The following PUM1 variants were observed in gnomAD, a reference collection of about 807,000 sequenced individuals.
The protein encoded by PUM1 is pumilio RNA binding family member 1, also known as pumilio homolog 1.
A neutral mutation model predicts 131.8 loss-of-function variants in PUM1; 13 were observed. The ratio of observed to expected loss-of-function variants is 0.10; its 90% CI spans 0.06 to 0.16. The LOEUF (loss-of-function observed/expected upper bound fraction) is 0.16, where lower values mean the gene tolerates loss of function less well. Ranked by LOEUF, PUM1 falls within the 10% of genes least tolerant of loss-of-function variation. The pLI is 1.00. For synonymous variants in PUM1, 509 were observed against 556.5 expected, an observed-to-expected ratio of 0.91 and a Z score of 1.20; for missense variants, 961 against 1,512.4, an observed-to-expected ratio of 0.64 and a Z score of 6.05.
intron 2 of PUM1, among the ~76,000 whole-genome samples, chr1:31,035,706 G>C (rs1643587754): frequency 6.6e-6 from 1 of 151,904 alleles, no homozygotes; most frequent in Non-Finnish European, 1.5e-5. Flanking sequence ...AACCGAGATA[G>C]CGCCACTGCA....
In PUM1 at chr1:30,931,910, C is replaced by T. The variant is rs1469615790; in HGVS notation, c.*1301G>A. ...TGACTGTCACAAAATCAAAACATTACTTTTTTAGGATTAAAAAAACACTAG... is the reference window on the plus strand; with the variant it reads ...TGACTGTCACAAAATCAAAACATTATTTTTTTAGGATTAAAAAAACACTAG... On this transcript the variant is annotated 3_prime_UTR_variant, in exon 22 of 22. Transcript: ENST00000426105. 6.6e-6 allele frequency: 1 copy of T among 152,478 alleles called. No individual in the cohort carries two copies. Among genetic ancestry groups the T allele is most frequent in the Non-Finnish European group, 1.5e-5 (1 of 68,004 alleles). 9.4% of individuals were successfully genotyped at this position (152,478 alleles called of 1,614,324 possible).
At chr1:31,025,641 C>T (rs770008762) in intron 3 of PUM1, among the ~76,000 whole-genome samples, 6 of 150,556 alleles carry the variant, frequency 4.0e-5, no homozygotes, top group Non-Finnish European at 7.4e-5. Flanking sequence ...GTACAACCTC[C>T]ACCACCTGGG....
intron 9 of PUM1, among the ~76,000 whole-genome samples, chr1:30,979,826 T>C (rs933410442): frequency 1.3e-4 from 20 of 152,270 alleles, no homozygotes; most frequent in Admixed American, 1.1e-3. Flanking sequence ...GGTGGCTCCA[T>C]GGATCAAAAA....
intron 2 of PUM1, among the ~76,000 whole-genome samples, chr1:31,040,217 G>A (rs775760714): frequency 3.9e-5 from 6 of 152,150 alleles, no homozygotes; most frequent in East Asian, 1.9e-4. Context: ...ACCATGCCCC[G>A]CCAAGAATCT....
intron 13 of PUM1, 117 bp downstream of exon 13, chr1:30,965,864 TG>T: frequency 9.4e-7 from 1 of 1,068,756 alleles, no homozygotes; most frequent in Non-Finnish European, 1.3e-6. Flanking sequence ...GTGGGATGGC[TG>T]GATTCCCACA....
At chr1:31,061,239 C>T (rs1490718636) in intron 1 of PUM1, among the ~76,000 whole-genome samples, 7 of 152,082 alleles carry the variant, frequency 4.6e-5, no homozygotes, top group Non-Finnish European at 8.8e-5. Context: ...CAGGGAGAAT[C>T]GCTTGAGCCA....
chr1:31,027,647 C>T (rs547907253), intron 3 of PUM1, among the ~76,000 whole-genome samples: 12 of 152,270 alleles, frequency 7.9e-5, no homozygotes, highest in African/African-American at 2.6e-4. Flanking sequence ...AAGTTGGAAA[C>T]AAAATCTTGT....
chr1:31,004,445 T>G (rs941566385), intron 5 of PUM1, among the ~76,000 whole-genome samples: 2 of 152,088 alleles, frequency 1.3e-5, no homozygotes, highest in Non-Finnish European at 2.9e-5. Context: ...GCTCATAAGA[T>G]GAGGAAAGAG....
At chr1:31,020,229 TG>T (rs1283625756) in intron 3 of PUM1, among the ~76,000 whole-genome samples, 1 of 152,222 alleles carries the variant, frequency 6.6e-6, no homozygotes, top group Non-Finnish European at 1.5e-5. Flanking sequence ...CCCATGTTGC[TG>T]CAAAGGACAT....
chr1:30,935,332 G>GAGCC (rs1216437407), intron 21 of PUM1, among the ~76,000 whole-genome samples: 1 of 152,082 alleles, frequency 6.6e-6, no homozygotes, highest in Non-Finnish European at 1.5e-5. Context: ...CTCCGTTAGA[G>GAGCC]AGCCTCCTCT....
At chr1:31,046,067 G>A (rs193220908) in intron 2 of PUM1, among the ~76,000 whole-genome samples, 5 of 141,464 alleles carry the variant, frequency 3.5e-5, no homozygotes, top group East Asian at 2.2e-4. Context: ...GGGCAACAGC[G>A]TAAGACTCTG....
chr1:30,938,551 C>G (rs1375998954), intron 20 of PUM1, among the ~76,000 whole-genome samples: 1 of 152,154 alleles, frequency 6.6e-6, no homozygotes, highest in Non-Finnish European at 1.5e-5. Context: ...CCGTCTCCAG[C>G]CCCTATTTTT....
At chr1:31,025,446 A>T (rs1643184239) in intron 3 of PUM1, among the ~76,000 whole-genome samples, 1 of 152,188 alleles carries the variant, frequency 6.6e-6, no homozygotes, top group Non-Finnish European at 1.5e-5. Context: ...CACATCCACA[A>T]AGAAACCAAA....
intron 3 of PUM1, among the ~76,000 whole-genome samples, chr1:31,017,878 A>T (rs574883391): frequency 6.3e-4 from 96 of 152,322 alleles, no homozygotes; most frequent in Non-Finnish European, 1.2e-3. Flanking sequence ...TTGATCTGAC[A>T]GTCCTCCATA....
At chr1:31,062,448 C>T (rs557256470) in intron 1 of PUM1, among the ~76,000 whole-genome samples, 2 of 152,112 alleles carry the variant, frequency 1.3e-5, no homozygotes, top group South Asian at 2.1e-4. Flanking sequence ...ACTGAAACCC[C>T]GTCTCTACTA....
rs1482223304 is a variant in PUM1 at position 30,967,263 on chromosome 1, G to A, written c.1693C>T (p.Leu565Phe). 1 of 1,613,974 alleles carries A rather than the reference G, an allele frequency of 6.2e-7. No individual in the cohort carries two copies. Among genetic ancestry groups the A allele is most frequent in the Non-Finnish European group, 8.5e-7 (1 of 1,179,930 alleles). ...PAAYYDQTGA[L>F]VVNAGARNGL... ...TTTCTCGCGCCTGCATTCACTACAA[G>A]GGCACCAGTTTGGTCATAGTAAGCA... The change falls in exon 12 of 22, where the codon CTT (leucine) becomes TTT (phenylalanine). Residue 565 changes from leucine (L) to phenylalanine (F), a missense_variant. Physicochemically the swap from Leu to Phe is conservative, Grantham distance 22. Around this residue, in one of 4 missense-constraint regions of PUM1, gnomAD observed 654 missense variants for 923.9 expected, o/e 0.71. Transcript: ENST00000426105.
intron 14 of PUM1, among the ~76,000 whole-genome samples, chr1:30,958,859 A>C (rs1413273064): frequency 6.6e-6 from 1 of 152,256 alleles, no homozygotes; most frequent in Non-Finnish European, 1.5e-5. Flanking sequence ...TAAGTCAAAC[A>C]AAATAAATAC....
chr1:30,968,210 G>C (rs1218105572), intron 11 of PUM1, 144 bp downstream of exon 11: 1 of 1,085,656 alleles, frequency 9.2e-7, no homozygotes, highest in East Asian at 2.4e-5. Flanking sequence ...GTCTAAGTGA[G>C]GGCAAGTGTG....
chr1:30,996,567 A>G (rs988420335), intron 5 of PUM1, among the ~76,000 whole-genome samples: 3 of 152,286 alleles, frequency 2.0e-5, no homozygotes, highest in East Asian at 1.9e-4. Context: ...ATATAAAAAA[A>G]GAACAAATAT....
Sources: allele counts gnomAD v4.1 joint callset (sites outside exome capture counted in the v4.1 genomes callset), GRCh38; gene constraint gnomAD v4.1.1; regional missense constraint gnomAD v4.1.1; transcripts MANE v1.5; gene names NCBI Gene and HGNC (gene_info 2026-07-23, HGNC 2026-07-21).